JPT1: variants seen among roughly 807,000 people sequenced by gnomAD.
JPT1 encodes androgen-regulated protein 2.
JPT1 carries 5 observed loss-of-function variants against 17.0 expected under a neutral mutation model. That is an observed-to-expected ratio of 0.29 (90% CI 0.15 to 0.62). The LOEUF (loss-of-function observed/expected upper bound fraction) is 0.62, where lower values mean the gene tolerates loss of function less well. JPT1 is among the 20% of genes least tolerant of loss of function. The probability of loss-of-function intolerance (pLI) is 0.85; values close to 1 mark genes in which losing one functional copy is unlikely to be tolerated. For synonymous variants in JPT1, 71 were observed against 73.6 expected, an observed-to-expected ratio of 0.96 and a Z score of 0.18; for missense variants, 158 against 188.1, an observed-to-expected ratio of 0.84 and a Z score of 0.94.
chr17:75,140,985 G>A (rs1485963419), intron 4 of JPT1: 1 of 152,468 alleles, frequency 6.6e-6, no homozygotes, highest in East Asian at 1.9e-4. Flanking sequence ...AGCTACTCGG[G>A]AGGCTGAGGC....
At chr17:75,151,745 G>A (rs1173285731) in intron 1 of JPT1, among the ~76,000 whole-genome samples, 1 of 152,068 alleles carries the variant, frequency 6.6e-6, no homozygotes, top group Non-Finnish European at 1.5e-5. Context: ...CGAGGCGGGC[G>A]GATCACCTGA....
intron 4 of JPT1, among the ~76,000 whole-genome samples, chr17:75,143,418 G>T (rs2074365150): frequency 6.6e-6 from 1 of 152,026 alleles, no homozygotes; most frequent in Admixed American, 6.6e-5. Flanking sequence ...AATTAGCCAG[G>T]TATAGTAGCG....
At position 75,154,502 on chromosome 17, in the gene JPT1, G is replaced by C; in HGVS notation, c.-105C>G. 1.9e-6 allele frequency: 2 copies of C among 1,053,142 alleles called. No individual in the cohort carries two copies. Among genetic ancestry groups the C allele is most frequent in the South Asian group, 2.9e-5 (2 of 68,314 alleles). The allele number at this position is 1,053,142 out of a possible 1,614,324, so 65.2% of individuals were successfully genotyped here. On this transcript the variant is annotated 5_prime_UTR_variant, in exon 1 of 5. Transcript: ENST00000409753. Reference sequence around the variant, plus strand: ...ACCCAACAGCCGACCACCGCTGCAGGAGCCGCCGCTGCCGCCTGTCCGGCC... The same window carrying C: ...ACCCAACAGCCGACCACCGCTGCAGCAGCCGCCGCTGCCGCCTGTCCGGCC...
At chr17:75,146,907 C>T (rs1175198234) in intron 3 of JPT1, 1 of 480,240 alleles carries the variant, frequency 2.1e-6, no homozygotes, top group African/African-American at 2.0e-5. Flanking sequence ...ACGTCTACAA[C>T]AAACCCCAAC....
chr17:75,152,724 T>A (rs755889213), intron 1 of JPT1, among the ~76,000 whole-genome samples: 1 of 152,192 alleles, frequency 6.6e-6, no homozygotes, highest in Non-Finnish European at 1.5e-5. Flanking sequence ...GACTGAAGTC[T>A]AACCGGCAGA....
chr17:75,146,819 T>C, intron 3 of JPT1, 135 bp from the exon 4 acceptor site: 1 of 652,104 alleles, frequency 1.5e-6, no homozygotes, highest in South Asian at 1.8e-5. Context: ...AAGCACAGGG[T>C]CAGTCTGCTA....
chr17:75,152,111 G>C (rs2074564090), intron 1 of JPT1, among the ~76,000 whole-genome samples: 1 of 152,214 alleles, frequency 6.6e-6, no homozygotes, highest in Non-Finnish European at 1.5e-5. Context: ...GATGACGTCA[G>C]TGTTGTAGAG....
chr17:75,150,111 T>A (rs2074519241), intron 1 of JPT1, among the ~76,000 whole-genome samples: 1 of 152,184 alleles, frequency 6.6e-6, no homozygotes, highest in African/African-American at 2.4e-5. Flanking sequence ...CTGTTCAACA[T>A]GGTAATATAT....
intron 4 of JPT1, among the ~76,000 whole-genome samples, chr17:75,143,422 A>G (rs1391063092): frequency 2.6e-5 from 4 of 152,078 alleles, no homozygotes; most frequent in Admixed American, 2.6e-4. Context: ...AGCCAGGTAT[A>G]GTAGCGTGCA....
chr17:75,146,839 A>C, intron 3 of JPT1, 155 bp from the exon 4 acceptor site: 1 of 602,680 alleles, frequency 1.7e-6, no homozygotes, highest in East Asian at 2.9e-5. Flanking sequence ...ACCTCTATCC[A>C]ACTCAGGACA....
intron 4 of JPT1, among the ~76,000 whole-genome samples, chr17:75,137,536 T>G (rs935139128): frequency 1.3e-5 from 2 of 151,494 alleles, no homozygotes; most frequent in South Asian, 2.1e-4. Context: ...TTGTTTTTTT[T>G]TTTTTTTTAT....
rs1353262410 is a variant in JPT1 at position 75,148,520 on chromosome 17, C to T, written c.199+9G>A. The T allele has an allele frequency of 6.8e-6, 11 of 1,613,904 alleles. No homozygotes were observed. In the African/African-American group the frequency reaches 1.2e-4, roughly 18 times the overall value. On this transcript the variant is annotated intron_variant, in intron 2 of 4. Coordinates refer to ENST00000409753, the MANE Select transcript of JPT1 (RefSeq NM_016185.4). ...CCCTTTGAACAGTGAGCACAGATAA[C>T]AAGAGTACCTGCTGACTTGGCCCAA...
rs376505998 is a variant in JPT1 at position 75,148,524 on chromosome 17, A to G, written c.199+5T>C. The G allele has an allele frequency of 8.2e-5, 133 of 1,614,002 alleles. No homozygotes were observed. The highest frequency in any genetic ancestry group is 1.1e-4 in the Non-Finnish European group (127 of 1,180,026). ...TTGAACAGTGAGCACAGATAACAAG[A>G]GTACCTGCTGACTTGGCCCAAGAAG... On this transcript the variant is annotated splice_donor_5th_base_variant and intron_variant, in intron 2 of 4. Coordinates refer to ENST00000409753, the MANE Select transcript of JPT1 (RefSeq NM_016185.4).
At chr17:75,143,385 C>CCTCGTCT (rs71361661) in intron 4 of JPT1, among the ~76,000 whole-genome samples, 73,242 of 151,282 alleles carry the variant, frequency 0.48, 20,862 homozygotes, top group Non-Finnish European at 0.64. Flanking sequence ...CATGGTGAAA[C>CCTCGTCT]CTCGTCTCTA....
Position 75,148,607 on chromosome 17 carries a change from G to A in JPT1, c.121C>T (p.Pro41Ser). Reference protein sequence around the residue: ...SLGFDEPTEQPVRKNKMASNI... With the variant: ...SLGFDEPTEQSVRKNKMASNI... Reference sequence around the variant, plus strand: ...GAGGCCATTTTGTTCTTCCTCACAGGTTGTTCTGTTGGTTCATCAAAACCT... The same window carrying A: ...GAGGCCATTTTGTTCTTCCTCACAGATTGTTCTGTTGGTTCATCAAAACCT... The change falls in exon 2 of 5, where the codon CCT becomes TCT. Residue 41 changes from proline (P) to serine (S), a missense_variant. Pro to Ser is a moderately conservative substitution (Grantham distance 74). Coordinates refer to ENST00000409753, the MANE Select transcript of JPT1 (RefSeq NM_016185.4). 3.1e-6 allele frequency: 5 copies of A among 1,614,098 alleles called. No individual in the cohort carries two copies. Among genetic ancestry groups the A allele is most frequent in the Non-Finnish European group, 4.2e-6 (5 of 1,180,006 alleles).
Position 75,148,592 on chromosome 17 carries a change from T to C in JPT1, c.136A>G (p.Lys46Glu). ...GTCCCAAAGATATTAGAGGCCATTT[T>C]GTTCTTCCTCACAGGTTGTTCTGTT... is the stretch of plus-strand genomic sequence containing the variant. The part of the protein sequence containing the change: ...EPTEQPVRKN[K>E]MASNIFGTPE... Residue 46 changes from lysine (K) to glutamate (E), a missense_variant, in exon 2 of 5, where the codon AAA becomes GAA. Physicochemically the swap from Lys to Glu is moderately conservative, Grantham distance 56. Coordinates refer to ENST00000409753, the MANE Select transcript of JPT1 (RefSeq NM_016185.4). 1 of 1,614,212 alleles carries C rather than the reference T, an allele frequency of 6.2e-7. No individual in the cohort carries two copies. The highest frequency in any genetic ancestry group is 8.5e-7 in the Non-Finnish European group (1 of 1,180,042).
Position 75,136,173 on chromosome 17 carries a change from G to T in JPT1, c.394C>A (p.Pro132Thr). The stretch of plus-strand genomic sequence containing the variant: ...GATGGCACTGGGGCCGGGGCCACCG[G>T]GCTGGGCACAGGCGCAGCAGGCACG... Reference protein sequence around the residue: ...KPVPAAPVPSPVAPAPVPSRR... With the variant: ...KPVPAAPVPSTVAPAPVPSRR... The change falls in exon 5 of 5, where the codon CCG becomes ACG. Residue 132 changes from proline to threonine, a missense_variant. Physicochemically the swap from Pro to Thr is conservative, Grantham distance 38 (BLOSUM62 -1). Coordinates refer to ENST00000409753, the MANE Select transcript of JPT1 (RefSeq NM_016185.4). 1.2e-6 allele frequency: 2 copies of T among 1,614,152 alleles called. No homozygotes were observed. The highest frequency in any genetic ancestry group is 1.7e-6 in the Non-Finnish European group (2 of 1,180,018).
intron 1 of JPT1, among the ~76,000 whole-genome samples, chr17:75,149,518 C>T (rs184464220): frequency 6.6e-6 from 1 of 152,214 alleles, no homozygotes; most frequent in Admixed American, 6.5e-5. Flanking sequence ...CAGGCGCCCG[C>T]CACCACGCCC....
At chr17:75,144,718 G>C (rs1257189241) in intron 4 of JPT1, among the ~76,000 whole-genome samples, 2 of 152,074 alleles carry the variant, frequency 1.3e-5, no homozygotes. Flanking sequence ...TTGTGGGACT[G>C]ACCCTCAACC....
Sources: allele counts gnomAD v4.1 joint callset (sites outside exome capture counted in the v4.1 genomes callset), GRCh38; gene constraint gnomAD v4.1.1; transcripts MANE v1.5; gene names NCBI Gene and HGNC (gene_info 2026-07-23, HGNC 2026-07-21).